Variants in ITPA observed in about 807,000 individuals in gnomAD.
ITPA encodes the protein inosine triphosphatase, also known as inosine triphosphate pyrophosphatase.
ITPA carries 29 observed loss-of-function variants against 29.6 expected under a neutral mutation model. The observed-to-expected ratio is 0.98, with a 90% CI of 0.73 to 1.34. The LOEUF is 1.34. Ranked by LOEUF, ITPA falls within the 40% of genes most tolerant of loss-of-function variation. The pLI is 0.00. For synonymous variants in ITPA, 103 were observed against 99.3 expected (o/e 1.04, Z -0.22); for missense variants, 241 against 251.5 (o/e 0.96, Z 0.28).
chr20:3,213,563 T>C, intron 3 of ITPA, 180 bp downstream of exon 3: 1 of 719,208 alleles, frequency 1.4e-6, no homozygotes, highest in South Asian at 1.6e-5. Flanking sequence ...CAGCCTTGAA[T>C]ACATGGTATC....
Position 3,209,989 on chromosome 20 carries a change from T to A in ITPA, c.66+372T>A, listed in dbSNP as rs1273060944. ...CTGGGACTTATCCACATCCCGCTGC[T>A]GGGCCAGGGCTAGCAGGACCCAGAG... On this transcript the variant is annotated intron_variant, in intron 1 of 7. Coordinates refer to ENST00000380113, the MANE Select transcript of ITPA (RefSeq NM_033453.4). This position sits in a 1 kb window ranked among gnomAD's most constrained non-coding sequence, Gnocchi z 4.6. Among the ~76,000 whole-genome samples the A allele has an allele frequency of 6.6e-6, 1 of 152,166 alleles. No homozygotes were observed. Among genetic ancestry groups the A allele is most frequent in the Non-Finnish European group, 1.5e-5 (1 of 68,022 alleles).
intron 5 of ITPA, among the ~76,000 whole-genome samples, chr20:3,217,554 C>A (rs1041723962): frequency 6.7e-6 from 1 of 149,580 alleles, no homozygotes; most frequent in African/African-American, 2.5e-5. Flanking sequence ...GCTCACTGCC[C>A]ACCATCAGGG....
Position 3,223,623 on chromosome 20 carries a change from C to G in ITPA, c.*161C>G. 2 of 656,910 alleles carry G rather than the reference C, an allele frequency of 3.0e-6. No homozygotes were observed. Among genetic ancestry groups the G allele is most frequent in the Non-Finnish European group, 5.5e-6 (2 of 364,104 alleles). The allele number at this position is 656,910 out of a possible 1,614,324, so 40.7% of individuals were successfully genotyped here. On this transcript the variant is annotated 3_prime_UTR_variant, in exon 8 of 8. Transcript: ENST00000380113. ...GGCCTGTCTGGAGGAGCAGCTGGCT[C>G]TGCTCTGAGAAACTCTGGCAAGTGG... is the stretch of plus-strand genomic sequence containing the variant.
At chr20:3,205,511 G>A (rs528215051), upstream of ITPA, among the ~76,000 whole-genome samples, 24 of 152,176 alleles carry the variant, frequency 1.6e-4, no homozygotes, top group East Asian at 4.6e-3. Flanking sequence ...AGACCAGCCT[G>A]GGCAACATGA....
chr20:3,213,847 G>C, intron 3 of ITPA, 138 bp from the exon 4 acceptor site: 1 of 869,430 alleles, frequency 1.2e-6, no homozygotes, highest in South Asian at 1.3e-5. Context: ...ATTGGCCGAG[G>C]GCAGCTCCCA....
chr20:3,209,244 G>A (rs1440854848), upstream of ITPA: 1 of 451,580 alleles, frequency 2.2e-6, no homozygotes, highest in Non-Finnish European at 4.1e-6. The surrounding 1 kb of genome is among the most constrained non-coding windows in gnomAD (Gnocchi z 4.6). Context: ...CCATTGCAGA[G>A]AAGAGCGAAA....
At chr20:3,226,114 C>T (rs1309842676), downstream of ITPA, among the ~76,000 whole-genome samples, 6 of 152,264 alleles carry the variant, frequency 3.9e-5, no homozygotes, top group East Asian at 1.9e-4. This position sits in a 1 kb window ranked among gnomAD's most constrained non-coding sequence, Gnocchi z 4.4. Flanking sequence ...AAAGAGGAGT[C>T]GTGGGAACCC....
Position 3,221,877 on chromosome 20 carries a change from G to T in ITPA, c.448G>T (p.Gly150Cys). Residue 150 changes from glycine (G) to cysteine (C), a missense_variant, in exon 7 of 8, where the codon GGC becomes TGC. Transcript: ENST00000380113. ...IVAPRGCQDF[G>C]WDPCFQPDGY... ...GGCACCCAGAGGCTGCCAGGACTTT[G>T]GCTGGGACCCCTGCTTTCAGCCTGA... The T allele has an allele frequency of 6.2e-7, 1 of 1,614,064 alleles. No homozygotes were observed. Among genetic ancestry groups the T allele is most frequent in the Non-Finnish European group, 8.5e-7 (1 of 1,180,032 alleles).
At chr20:3,216,103 G>A (rs2122355291) in intron 5 of ITPA, among the ~76,000 whole-genome samples, 1 of 150,750 alleles carries the variant, frequency 6.6e-6, no homozygotes, top group South Asian at 2.1e-4. Flanking sequence ...CGATCCTCCT[G>A]CCTCAGCCTC....
intron 7 of ITPA, among the ~76,000 whole-genome samples, chr20:3,223,092 C>G (rs796686097): frequency 5.3e-5 from 8 of 152,324 alleles, no homozygotes; most frequent in African/African-American, 1.9e-4. Flanking sequence ...AGCTCATCCC[C>G]CCCTGTCCCC....
In ITPA at chr20:3,221,847, A is replaced by G. The variant is rs1238284373; in HGVS notation, c.418A>G (p.Ile140Val). 6.2e-7 allele frequency: 1 copy of G among 1,613,970 alleles called. No individual in the cohort carries two copies. The highest frequency in any genetic ancestry group is 8.5e-7 in the Non-Finnish European group (1 of 1,180,006). Residue 140 changes from isoleucine to valine, a missense_variant, in exon 7 of 8, where the codon ATC becomes GTC. Transcript: ENST00000380113. ...CCCCCCTTTCCTGTGGCAGGGCCGGATCGTGGCACCCAGAGGCTGCCAGGA... is the reference window on the plus strand; with the variant it reads ...CCCCCCTTTCCTGTGGCAGGGCCGGGTCGTGGCACCCAGAGGCTGCCAGGA... Reference protein sequence around the residue: ...RLFRGRTSGRIVAPRGCQDFG... With the variant: ...RLFRGRTSGRVVAPRGCQDFG...
At chr20:3,216,284 T>C (rs1270524404) in intron 5 of ITPA, among the ~76,000 whole-genome samples, 56 of 131,766 alleles carry the variant, frequency 4.2e-4, no homozygotes, top group East Asian at 2.0e-3. Flanking sequence ...CTCAGCCTCC[T>C]GAGTAGCTGG....
At chr20:3,224,357 A>G (rs2067536188), downstream of ITPA, among the ~76,000 whole-genome samples, 1 of 152,018 alleles carries the variant, frequency 6.6e-6, no homozygotes, top group Non-Finnish European at 1.5e-5. Flanking sequence ...CCTGGAAGGG[A>G]CCTCTCCAGG....
upstream of ITPA, among the ~76,000 whole-genome samples, chr20:3,204,066 G>T (rs373078754): frequency 2.6e-5 from 4 of 152,216 alleles, no homozygotes; most frequent in African/African-American, 9.6e-5. Context: ...CGGGAAGGGA[G>T]AGAGCTTCAG....
At chr20:3,223,118 C>T (rs1252622827) in intron 7 of ITPA, among the ~76,000 whole-genome samples, 1 of 152,226 alleles carries the variant, frequency 6.6e-6, no homozygotes, top group Non-Finnish European at 1.5e-5. Context: ...CCCTTAATGA[C>T]TTTTGGGCAC....
intron 6 of ITPA, among the ~76,000 whole-genome samples, chr20:3,220,481 G>T (rs1467973641): frequency 6.6e-6 from 1 of 152,064 alleles, no homozygotes; most frequent in Non-Finnish European, 1.5e-5. Flanking sequence ...TTGCCTTTGG[G>T]TCTAAATTAC....
At chr20:3,205,727 T>C (rs1236258420), upstream of ITPA, among the ~76,000 whole-genome samples, 1 of 151,814 alleles carries the variant, frequency 6.6e-6, no homozygotes, top group African/African-American at 2.4e-5. Flanking sequence ...TAAAAATAAA[T>C]TCAGGACCAA....
chr20:3,220,043 CAAAAAAAAAAAAA>C (rs745545920), intron 6 of ITPA, among the ~76,000 whole-genome samples: 7 of 58,166 alleles, frequency 1.2e-4, no homozygotes, highest in African/African-American at 4.6e-4. Context: ...GACCCAGTCT[CAAAAAAAAAAAAA>C]AAAAAACAAA....
intron 6 of ITPA, among the ~76,000 whole-genome samples, chr20:3,220,660 C>CA (rs746286460): frequency 1.3e-5 from 2 of 151,620 alleles, no homozygotes; most frequent in Non-Finnish European, 2.9e-5. Flanking sequence ...GTCATCCTCC[C>CA]ACCTCAGCCT....
Sources: allele counts gnomAD v4.1 joint callset (sites outside exome capture counted in the v4.1 genomes callset), GRCh38; gene constraint gnomAD v4.1.1; non-coding constraint Gnocchi (gnomAD v3.1); transcripts MANE v1.5; gene names NCBI Gene and HGNC (gene_info 2026-07-23, HGNC 2026-07-21).